The following DOCK11 variants were observed in gnomAD, a reference collection of about 807,000 sequenced individuals.
DOCK11 encodes the protein dedicator of cytokinesis protein 11.
In DOCK11, 70 loss-of-function variants were observed where a neutral mutation model predicts 169.1. The observed-to-expected ratio is 0.41, with a 90% CI of 0.34 to 0.51. DOCK11 has a LOEUF of 0.51. Among genes scored for constraint, DOCK11 ranks in the 20% least tolerant of loss-of-function variants. The pLI, the probability that DOCK11 is intolerant of heterozygous loss-of-function variation, is 0.10. For synonymous variants in DOCK11, 529 were observed against 541.3 expected, an observed-to-expected ratio of 0.98 and a Z score of 0.32; for missense variants, 1,166 against 1,538.8, an observed-to-expected ratio of 0.76 and a Z score of 4.05.
intron 1 of DOCK11, among the ~76,000 whole-genome samples, chrX:118,498,017 C>G (rs1199674808): frequency 8.9e-6 from 1 of 112,528 alleles, no homozygotes; most frequent in Non-Finnish European, 1.9e-5. Context: ...TGGCAGGAGT[C>G]TTTTCTAGGA....
intron 38 of DOCK11, among the ~76,000 whole-genome samples, chrX:118,640,886 C>G (rs754975938): frequency 9.0e-6 from 1 of 111,571 alleles, no homozygotes; most frequent in African/African-American, 3.3e-5. Context: ...CTCTGCCTCC[C>G]GGGTTCAAGT....
intron 6 of DOCK11, among the ~76,000 whole-genome samples, chrX:118,548,321 A>G (rs991328195): frequency 3.6e-5 from 4 of 112,355 alleles, no homozygotes; most frequent in African/African-American, 1.3e-4. Context: ...TGAAATACAC[A>G]TTGATTGATT....
chrX:118,526,062 C>T (rs1295376135), intron 1 of DOCK11, among the ~76,000 whole-genome samples: 2 of 111,738 alleles, frequency 1.8e-5, no homozygotes, highest in Admixed American at 1.9e-4. Flanking sequence ...ACATCGCTTC[C>T]CTGCTGGGCA....
intron 46 of DOCK11, 144 bp downstream of exon 46, chrX:118,671,289 T>C (rs894614339): frequency 2.1e-6 from 1 of 482,692 alleles, no homozygotes; most frequent in Non-Finnish European, 3.2e-6. Flanking sequence ...TTGCATTTTA[T>C]CATAGAGTAT....
intron 35 of DOCK11, chrX:118,633,900 T>C (rs2015315447): frequency 8.9e-6 from 1 of 112,980 alleles, no homozygotes; most frequent in South Asian, 3.6e-4. Flanking sequence ...AATTTATTTG[T>C]TTCTTTAGTG....
chrX:118,597,664 G>T, intron 21 of DOCK11, 112 bp downstream of exon 21: 2 of 881,345 alleles, frequency 2.3e-6, no homozygotes, highest in Admixed American at 2.6e-5. Flanking sequence ...TCTGAGGGCT[G>T]GTGCGGGTCC....
At chrX:118,498,476 ACT>A (rs966715706) in intron 1 of DOCK11, among the ~76,000 whole-genome samples, 1 of 111,953 alleles carries the variant, frequency 8.9e-6, no homozygotes, top group Admixed American at 9.5e-5. Context: ...CTCCTAAATG[ACT>A]CTCTCTCACA....
chrX:118,505,335 G>C (rs2057604390), intron 1 of DOCK11, among the ~76,000 whole-genome samples: 1 of 112,510 alleles, frequency 8.9e-6, no homozygotes, highest in Non-Finnish European at 1.9e-5. Context: ...CCTTGAGTGA[G>C]TTATTATATT....
intron 4 of DOCK11, among the ~76,000 whole-genome samples, chrX:118,544,799 TACAGGC>T (rs199969034): frequency 0.053 from 5,594 of 105,621 alleles, 350 homozygotes; most frequent in African/African-American, 0.17. Context: ...TAGCTGGGCT[TACAGGC>T]ACCCGCCATC....
chrX:118,576,597 C>T (rs958212376), intron 12 of DOCK11, among the ~76,000 whole-genome samples: 5 of 111,965 alleles, frequency 4.5e-5, no homozygotes, highest in Non-Finnish European at 7.5e-5. Context: ...AAATAAGGTG[C>T]GTGGTTCTAA....
chrX:118,508,547 C>T (rs918201285), intron 1 of DOCK11, among the ~76,000 whole-genome samples: 2 of 111,393 alleles, frequency 1.8e-5, no homozygotes, highest in Admixed American at 1.9e-4. Flanking sequence ...AAGGTACCTA[C>T]CTTCCCACCA....
intron 46 of DOCK11, among the ~76,000 whole-genome samples, chrX:118,671,492 T>C (rs921773688): frequency 6.3e-5 from 7 of 111,694 alleles, no homozygotes; most frequent in African/African-American, 2.3e-4. Context: ...CCATAAATTG[T>C]ACCCCATAAA....
chrX:118,557,190 CG>C (rs1381366889), intron 6 of DOCK11, among the ~76,000 whole-genome samples: 2 of 111,204 alleles, frequency 1.8e-5, no homozygotes, highest in African/African-American at 6.5e-5. Flanking sequence ...TAGAAAGAGA[CG>C]GCAAATAAAA....
At chrX:118,558,409 A>G (rs773870175) in intron 6 of DOCK11, among the ~76,000 whole-genome samples, 6 of 112,076 alleles carry the variant, frequency 5.4e-5, no homozygotes, top group Non-Finnish European at 1.1e-4. Flanking sequence ...AATGACAGGT[A>G]TGATATAGAG....
In DOCK11 at chrX:118,516,004, A is replaced by ACTATATATATATATAT. The variant is rs1436837389; in HGVS notation, c.102+19931_102+19932insCTATATATATATATAT. Reference sequence around the variant, plus strand: ...ATGTTCAAAAGTAAGGATTTGGGCAAATATATATATATATACATTCTTACA... The same window carrying ACTATATATATATATAT: ...ATGTTCAAAAGTAAGGATTTGGGCAACTATATATATATATATATATATATATATATACATTCTTACA... On this transcript the variant is annotated intron_variant, in intron 1 of 52. Coordinates refer to ENST00000276202, the MANE Select transcript of DOCK11 (RefSeq NM_144658.4). Among the ~76,000 whole-genome samples the ACTATATATATATATAT allele has an allele frequency of 1.3e-3, 59 of 44,929 alleles. 6 individuals carry two copies. The highest frequency in any genetic ancestry group is 5.8e-3 in the African/African-American group (49 of 8,516). 39.0% of individuals were successfully genotyped at this position (44,929 alleles called of 115,157 possible).
chrX:118,630,359 C>T lies in DOCK11; in HGVS notation c.3775-20C>T, dbSNP rs756271280. On this transcript the variant is annotated intron_variant, in intron 34 of 52. Coordinates refer to ENST00000276202, the MANE Select transcript of DOCK11 (RefSeq NM_144658.4). The stretch of plus-strand genomic sequence containing the variant: ...GGAAAATTGTACTGATACTATTTCA[C>T]GAACATCCTGTCCTTACAGACCCGA... 30 of 1,066,256 alleles carry T rather than the reference C, an allele frequency of 2.8e-5. No individual in the cohort carries two copies. The highest frequency in any genetic ancestry group is 6.8e-5 in the Admixed American group (3 of 43,879). 87.9% of individuals were successfully genotyped at this position (1,066,256 alleles called of 1,213,427 possible).
intron 7 of DOCK11, among the ~76,000 whole-genome samples, chrX:118,564,979 C>T (rs542276111): frequency 2.0e-3 from 222 of 109,969 alleles, no homozygotes; most frequent in African/African-American, 6.9e-3. Context: ...TGTGTCGCCC[C>T]GGCTGGAGTG....
intron 1 of DOCK11, among the ~76,000 whole-genome samples, chrX:118,520,800 A>G (rs1164255357): frequency 9.0e-6 from 1 of 111,401 alleles, no homozygotes; most frequent in Non-Finnish European, 1.9e-5. Context: ...AGAGAAATAC[A>G]CTCTGGAAAA....
In DOCK11 at chrX:118,543,612, G is replaced by T. The variant is rs1224665808; in HGVS notation, c.392+19G>T. 2 of 1,158,363 alleles carry T rather than the reference G, an allele frequency of 1.7e-6. No individual in the cohort carries two copies. Among genetic ancestry groups the T allele is most frequent in the Admixed American group, 4.4e-5 (2 of 45,747 alleles). ...TGCCATGGTAAGTTTAGCATTCCAG[G>T]GAAACATGCAACAGGAGAATTATTA... On this transcript the variant is annotated intron_variant, in intron 4 of 52. Coordinates refer to ENST00000276202, the MANE Select transcript of DOCK11 (RefSeq NM_144658.4).
Sources: allele counts gnomAD v4.1 joint callset (sites outside exome capture counted in the v4.1 genomes callset), GRCh38; gene constraint gnomAD v4.1.1; transcripts MANE v1.5; gene names NCBI Gene and HGNC (gene_info 2026-07-23, HGNC 2026-07-21).